Variants in INSL6 observed in about 807,000 individuals in gnomAD.
The protein encoded by INSL6 is insulin-like peptide INSL6.
A neutral mutation model predicts 9.4 loss-of-function variants in INSL6; 16 were observed. The observed-to-expected ratio is 1.70, with a 90% CI of 1.15 to 2.59. INSL6 has a LOEUF of 2.59. Ranked by LOEUF, INSL6 falls within the 30% of genes most tolerant of loss-of-function variation. The probability of loss-of-function intolerance (pLI) is 0.00; values close to 1 mark genes in which losing one functional copy is unlikely to be tolerated. For missense variants in INSL6, 391 were observed against 257.3 expected (o/e 1.52, Z -3.56); for synonymous variants, 154 against 96.9 (o/e 1.59, Z -3.46).
At chr9:5,146,554 T>A (rs1824604968) in intron 2 of INSL6, among the ~76,000 whole-genome samples, 3 of 151,906 alleles carry the variant, frequency 2.0e-5, no homozygotes, top group Admixed American at 2.0e-4. Context: ...TCACTCAGGG[T>A]GTGGGAGGAT....
chr9:5,030,863 T>A, the INSL6 span, among the ~76,000 whole-genome samples: 1 of 152,106 alleles, frequency 6.6e-6, no homozygotes, highest in South Asian at 2.1e-4. Context: ...ATATTTTTTA[T>A]ATAATTATTG....
rs773159109 is a variant in INSL6, at chr9:5,134,693, A to C, written c.377-1101T>G. ...AACAAGAGCTCCTGAAGGAAGCACTAAACATGGAAGGAACAACCGGTACCA... is the reference window on the plus strand; with the variant it reads ...AACAAGAGCTCCTGAAGGAAGCACTCAACATGGAAGGAACAACCGGTACCA... On this transcript the variant is annotated intron_variant, in intron 2 of 3. Coordinates refer to the INSL6 transcript ENST00000649639. Among the ~76,000 whole-genome samples, 4 of 152,224 alleles carry C rather than the reference A, an allele frequency of 2.6e-5. No homozygotes were observed. The East Asian group carries it at 5.8e-4, about 22-fold the overall frequency.
chr9:5,185,609 G>A lies in INSL6; in HGVS notation c.-7C>T, dbSNP rs370116140. ...AGCGGAGGAGCCGCGGCATCCCTGT[G>A]ACCCCAGGCTAGTCCTCCGCGTTGT... On this transcript the variant is annotated 5_prime_UTR_variant, in exon 1 of 2. Coordinates refer to ENST00000381641, the MANE Select transcript of INSL6 (RefSeq NM_007179.3). The A allele has an allele frequency of 6.5e-5, 104 of 1,608,862 alleles. No individual in the cohort carries two copies. The highest frequency in any genetic ancestry group is 7.7e-5 in the South Asian group (7 of 90,436).
intron 1 of INSL6, among the ~76,000 whole-genome samples, chr9:5,170,960 A>T (rs1825168062): frequency 6.6e-6 from 1 of 152,174 alleles, no homozygotes; most frequent in Non-Finnish European, 1.5e-5. Flanking sequence ...AAACAATCAA[A>T]AAGGAGGAAC....
At chr9:5,068,680 G>A in the INSL6 span, among the ~76,000 whole-genome samples, 2 of 152,146 alleles carry the variant, frequency 1.3e-5, no homozygotes, top group African/African-American at 4.8e-5. Flanking sequence ...GGAGATGGAG[G>A]CAGAAACCAG....
the INSL6 span, among the ~76,000 whole-genome samples, chr9:5,061,887 C>T: frequency 7.9e-5 from 12 of 152,126 alleles, no homozygotes; most frequent in African/African-American, 2.9e-4. Context: ...CACTTGAATA[C>T]TCAGTGGTCA....
the INSL6 span, chr9:5,112,727 A>T: frequency 3.9e-6 from 3 of 759,936 alleles, no homozygotes; most frequent in Non-Finnish European, 3.9e-6. Context: ...CCTGAATCCC[A>T]AAACAGCCTG....
chr9:5,092,252 G>A, the INSL6 span, among the ~76,000 whole-genome samples: 49 of 152,184 alleles, frequency 3.2e-4, no homozygotes, highest in South Asian at 2.7e-3. Flanking sequence ...AGAGTAGAGT[G>A]CTTGGTTGAG....
At chr9:5,128,002 A>C (rs1222753170) in intron 3 of INSL6, 3 of 231,668 alleles carry the variant, frequency 1.3e-5, no homozygotes, top group African/African-American at 6.7e-5. Context: ...ATTAAGTATA[A>C]GGGGTTGTTC....
At chr9:4,997,608 C>T in the INSL6 span, among the ~76,000 whole-genome samples, 3 of 152,150 alleles carry the variant, frequency 2.0e-5, no homozygotes, top group Admixed American at 2.0e-4. Flanking sequence ...GATTACAGTG[C>T]AACACATGAA....
the INSL6 span, among the ~76,000 whole-genome samples, chr9:5,092,909 G>C: frequency 6.6e-6 from 1 of 152,140 alleles, no homozygotes; most frequent in Non-Finnish European, 1.5e-5. Flanking sequence ...CAGCTCTTTA[G>C]ACCCTAGGAA....
intron 2 of INSL6, among the ~76,000 whole-genome samples, chr9:5,157,645 TAAG>T (rs1346775764): frequency 4.6e-5 from 7 of 152,220 alleles, no homozygotes; most frequent in Admixed American, 2.0e-4. Context: ...GGGAAAATCT[TAAG>T]AAATTTGTAA....
the INSL6 span, among the ~76,000 whole-genome samples, chr9:5,015,414 T>G: frequency 6.6e-6 from 1 of 152,236 alleles, no homozygotes; most frequent in Admixed American, 6.5e-5. Context: ...TCTTTTTCAT[T>G]GAGTTGACAT....
the INSL6 span, among the ~76,000 whole-genome samples, chr9:5,057,729 A>C: frequency 2.6e-5 from 4 of 151,626 alleles, no homozygotes; most frequent in Non-Finnish European, 5.9e-5. Flanking sequence ...TTACAGGTGC[A>C]CGCCACCATG....
the INSL6 span, chr9:5,091,713 G>A: frequency 6.6e-6 from 1 of 152,282 alleles, no homozygotes; most frequent in Middle Eastern, 3.4e-3. Flanking sequence ...TAGTCAAACT[G>A]GGTCTAGTAG....
intron 2 of INSL6, among the ~76,000 whole-genome samples, chr9:5,154,853 AG>A (rs1824785300): frequency 6.6e-6 from 1 of 152,186 alleles, no homozygotes. Flanking sequence ...GTGGAGAAAC[AG>A]GAACACTTTT....
At chr9:5,118,572 T>C in the INSL6 span, among the ~76,000 whole-genome samples, 435 of 152,258 alleles carry the variant, frequency 2.9e-3, no homozygotes, top group African/African-American at 0.01. Context: ...CTCCAATTGG[T>C]TTGTATATCC....
At chr9:5,060,377 T>A in the INSL6 span, among the ~76,000 whole-genome samples, 2 of 152,172 alleles carry the variant, frequency 1.3e-5, no homozygotes, top group Non-Finnish European at 2.9e-5. Context: ...TGGTAACATT[T>A]TACCCACAGT....
the INSL6 span, chr9:5,050,655 T>C: frequency 6.3e-7 from 1 of 1,589,148 alleles, no homozygotes; most frequent in Non-Finnish European, 8.6e-7. Context: ...AAACTTACGA[T>C]GAGATATTTC....
Sources: gnomAD v4.1 joint callset for allele counts (sites outside exome capture counted in the v4.1 genomes callset) on GRCh38, gnomAD v4.1.1 for gene constraint, MANE v1.5 for transcripts, NCBI Gene and HGNC (gene_info 2026-07-23, HGNC 2026-07-21) for gene names.